The following WDR75 variants were observed in gnomAD, a reference collection of about 807,000 sequenced individuals.
The protein encoded by WDR75 is WD repeat domain 75, also known as WD repeat-containing protein 75.
WDR75 carries 52 observed loss-of-function variants against 106.1 expected under a neutral mutation model. The observed-to-expected ratio is 0.49, with a 90% CI of 0.39 to 0.62. WDR75 has a LOEUF of 0.62. WDR75 is among the 20% of genes least tolerant of loss of function. WDR75 has a pLI of 0.00. For synonymous variants in WDR75, 333 were observed against 335.5 expected (o/e 0.99, Z 0.08); for missense variants, 905 against 970.3 (o/e 0.93, Z 0.89).
chr2:189,474,822 T>G lies in WDR75; in HGVS notation c.2288+14T>G. 1.9e-6 allele frequency: 3 copies of G among 1,604,528 alleles called. No homozygotes were observed. Among genetic ancestry groups the G allele is most frequent in the Non-Finnish European group, 2.6e-6 (3 of 1,171,454 alleles). ...AGAGACTAAGAGGTAAAGCAGTTCT[T>G]AAGACAGGTTTGGACACTCTCTTTT... On this transcript the variant is annotated intron_variant, in intron 20 of 20. Transcript: ENST00000314761.
chr2:189,448,345 A>C lies in WDR75; in HGVS notation c.87-34A>C, dbSNP rs757350372. ...CAGTGTGAAAACAGGCTAATACAGT[A>C]TGTAAAACTTACTTTTCTTTCTTTT... On this transcript the variant is annotated intron_variant, in intron 1 of 20. Coordinates refer to ENST00000314761, the MANE Select transcript of WDR75 (RefSeq NM_032168.3). The C allele has an allele frequency of 1.1e-5, 18 of 1,602,842 alleles. No homozygotes were observed. The South Asian group carries it at 2.0e-4, about 18-fold the overall frequency.
At chr2:189,465,316 A>G in intron 12 of WDR75, 62 bp downstream of exon 12, 1 of 1,477,766 alleles carries the variant, frequency 6.8e-7, no homozygotes, top group Non-Finnish European at 9.1e-7. Context: ...CCCATTTTAC[A>G]GTTTCAATTG....
intron 8 of WDR75, 74 bp downstream of exon 8, chr2:189,459,498 G>A: frequency 2.8e-6 from 4 of 1,404,552 alleles, no homozygotes; most frequent in Non-Finnish European, 4.0e-6. Flanking sequence ...TGTATTTTTA[G>A]TTTGGAAGAT....
chr2:189,449,150 C>A, intron 2 of WDR75: 1 of 843,228 alleles, frequency 1.2e-6, no homozygotes, highest in Non-Finnish European at 1.7e-6. Context: ...CATGTTAATT[C>A]TGTTCTTAAG....
chr2:189,472,237 G>T (rs1329117701), intron 18 of WDR75, among the ~76,000 whole-genome samples: 1 of 152,122 alleles, frequency 6.6e-6, no homozygotes, highest in Non-Finnish European at 1.5e-5. Flanking sequence ...AAGAATTGTG[G>T]TGGGGTAGAG....
intron 1 of WDR75, among the ~76,000 whole-genome samples, chr2:189,442,819 G>C (rs1022791421): frequency 1.3e-5 from 2 of 152,088 alleles, no homozygotes; most frequent in African/African-American, 4.8e-5. Flanking sequence ...GACTGAAAGA[G>C]CTTTTATAAA....
At chr2:189,458,723 T>C in intron 6 of WDR75, 30 bp from the exon 7 acceptor site, 1 of 1,511,634 alleles carries the variant, frequency 6.6e-7, no homozygotes. Context: ...ACTTTAATAA[T>C]TAAGGGAATT....
intron 19 of WDR75, 86 bp downstream of exon 19, chr2:189,474,418 T>G: frequency 1.4e-6 from 2 of 1,438,280 alleles, no homozygotes; most frequent in Non-Finnish European, 1.9e-6. Context: ...AATCTGTAAT[T>G]TGTATGCTGT....
intron 14 of WDR75, among the ~76,000 whole-genome samples, chr2:189,467,997 G>A (rs1009511963): frequency 6.6e-6 from 1 of 152,106 alleles, no homozygotes; most frequent in African/African-American, 2.4e-5. Context: ...CATTGTTTCC[G>A]AGAGGTGCAG....
chr2:189,450,301 C>G (rs1038378934), intron 2 of WDR75: 1 of 985,632 alleles, frequency 1.0e-6, no homozygotes, highest in South Asian at 4.7e-5. Context: ...ACTGAGTAAG[C>G]TGAGTTCTGG....
Position 189,444,789 on chromosome 2 carries a change from A to G in WDR75, c.86+3211A>G, listed in dbSNP as rs954469174. 2.6e-5 allele frequency among the ~76,000 whole-genome samples: 4 copies of G among 151,930 alleles called. 1 individual carries two copies. In the South Asian group the frequency reaches 8.3e-4, roughly 32 times the overall value. On this transcript the variant is annotated intron_variant, in intron 1 of 20. Coordinates refer to ENST00000314761, the MANE Select transcript of WDR75 (RefSeq NM_032168.3). Reference sequence around the variant, plus strand: ...GATATAGCTCAACTCTTCCTACCCAACTGTTTCCTGATACTACCCATTATA... The same window carrying G: ...GATATAGCTCAACTCTTCCTACCCAGCTGTTTCCTGATACTACCCATTATA...
At chr2:189,471,743 G>A (rs1200487447) in intron 18 of WDR75, among the ~76,000 whole-genome samples, 1 of 152,046 alleles carries the variant, frequency 6.6e-6, no homozygotes, top group Non-Finnish European at 1.5e-5. Flanking sequence ...CATCATTCTG[G>A]GGATTTGTTT....
rs1473511618 is a variant in WDR75 at position 189,459,480 on chromosome 2, T to C, written c.778+56T>C. On this transcript the variant is annotated intron_variant, in intron 8 of 20. Coordinates refer to ENST00000314761, the MANE Select transcript of WDR75 (RefSeq NM_032168.3). ...TTTTGAAGATATGATTCAAGTGTTT[T>C]AATTCACTGTATTTTTAGTTTGGAA... is the stretch of plus-strand genomic sequence containing the variant. 13 of 1,465,302 alleles carry C rather than the reference T, an allele frequency of 8.9e-6. 1 individual carries two copies. The highest frequency in any genetic ancestry group is 1.2e-5 in the Non-Finnish European group (13 of 1,058,854). The allele number at this position is 1,465,302 out of a possible 1,614,324, so 90.8% of individuals were successfully genotyped here.
At chr2:189,442,218 C>T (rs901062874) in intron 1 of WDR75, among the ~76,000 whole-genome samples, 1 of 152,106 alleles carries the variant, frequency 6.6e-6, no homozygotes, top group Admixed American at 6.5e-5. Flanking sequence ...TTTAGTTCAT[C>T]TCACGTGGTT....
intron 18 of WDR75, among the ~76,000 whole-genome samples, chr2:189,471,308 G>A (rs769053998): frequency 5.3e-5 from 8 of 152,036 alleles, no homozygotes; most frequent in Admixed American, 3.3e-4. Context: ...ATTTTTAGCT[G>A]TTTTTCACAT....
chr2:189,451,012 G>T, intron 3 of WDR75, 44 bp downstream of exon 3: 1 of 1,572,958 alleles, frequency 6.4e-7, no homozygotes, highest in South Asian at 1.2e-5. Context: ...AATAAAAAAA[G>T]GCAATGTAAT....
At chr2:189,459,297 AC>A in intron 7 of WDR75, 38 bp from the exon 8 acceptor site, 4 of 1,485,734 alleles carry the variant, frequency 2.7e-6, no homozygotes, top group Non-Finnish European at 3.7e-6. Context: ...CCTAACTTAA[AC>A]CTATGGTCAA....
chr2:189,441,673 C>G (rs897255871), intron 1 of WDR75, 95 bp downstream of exon 1: 2 of 1,397,222 alleles, frequency 1.4e-6, no homozygotes, highest in South Asian at 1.2e-5. Context: ...CGGACTCGCC[C>G]GCCTGGCGGA....
At chr2:189,446,928 T>C (rs1301174491) in intron 1 of WDR75, among the ~76,000 whole-genome samples, 2 of 152,134 alleles carry the variant, frequency 1.3e-5, no homozygotes, top group Non-Finnish European at 2.9e-5. Context: ...AGTACAGCAA[T>C]AGTGGATAGG....
Sources: allele counts gnomAD v4.1 joint callset (sites outside exome capture counted in the v4.1 genomes callset), GRCh38; gene constraint gnomAD v4.1.1; transcripts MANE v1.5; gene names NCBI Gene and HGNC (gene_info 2026-07-23, HGNC 2026-07-21).